Variants in CTNNA2 observed in about 807,000 individuals in gnomAD.
CTNNA2 encodes the protein catenin alpha-2.
Under a neutral mutation model 101.0 loss-of-function variants are expected in CTNNA2, and 42 were observed. The observed-to-expected ratio is 0.42, with a 90% CI of 0.32 to 0.54. The LOEUF (loss-of-function observed/expected upper bound fraction) is 0.54, where lower values mean the gene tolerates loss of function less well. Among genes scored for constraint, CTNNA2 ranks in the 20% least tolerant of loss-of-function variants. The probability of loss-of-function intolerance (pLI) is 0.14; values close to 1 mark genes in which losing one functional copy is unlikely to be tolerated. For missense variants in CTNNA2, 871 were observed against 1,223.1 expected, an observed-to-expected ratio of 0.71 and a Z score of 4.29; for synonymous variants, 450 against 456.4, an observed-to-expected ratio of 0.99 and a Z score of 0.18.
intron 2 of CTNNA2, among the ~76,000 whole-genome samples, chr2:79,279,745 C>T (rs1181714552): frequency 6.6e-6 from 1 of 152,070 alleles, no homozygotes; most frequent in Admixed American, 6.6e-5. Context: ...AGCCACAGCT[C>T]ATATGCAATT....
intron 18 of CTNNA2, among the ~76,000 whole-genome samples, chr2:80,633,165 C>T (rs2149835422): frequency 6.6e-6 from 1 of 152,270 alleles, no homozygotes; most frequent in South Asian, 2.1e-4. Flanking sequence ...TTATCAGCCT[C>T]ACATCATTTC....
At chr2:80,090,415 C>T (rs969902780) in intron 7 of CTNNA2, among the ~76,000 whole-genome samples, 1 of 152,052 alleles carries the variant, frequency 6.6e-6, no homozygotes, top group Non-Finnish European at 1.5e-5. Context: ...GTACAGTGAA[C>T]ACAGGGCTGT....
chr2:80,526,345 G>A (rs7420267), intron 9 of CTNNA2, among the ~76,000 whole-genome samples: 41 of 152,224 alleles, frequency 2.7e-4, no homozygotes, highest in African/African-American at 8.4e-4. Context: ...GATTACAGGC[G>A]TGCATCACCA....
chr2:79,366,841 T>C (rs1253654605), intron 3 of CTNNA2, among the ~76,000 whole-genome samples: 1 of 152,178 alleles, frequency 6.6e-6, no homozygotes, highest in Non-Finnish European at 1.5e-5. Context: ...GTATATCAGA[T>C]ATAATTACTG....
intron 7 of CTNNA2, among the ~76,000 whole-genome samples, chr2:79,951,915 A>T (rs145334929): frequency 2.6e-5 from 4 of 152,152 alleles, no homozygotes; most frequent in African/African-American, 4.8e-5. Flanking sequence ...TGACAATTGC[A>T]TGTGCATTTC....
At chr2:80,161,374 C>T (rs781104047) in intron 7 of CTNNA2, among the ~76,000 whole-genome samples, 23 of 151,904 alleles carry the variant, frequency 1.5e-4, no homozygotes, top group Admixed American at 3.3e-4. Context: ...AGGAACAGTA[C>T]GAACGCTGTG....
intron 3 of CTNNA2, among the ~76,000 whole-genome samples, chr2:79,819,492 A>G (rs939727709): frequency 1.1e-4 from 17 of 152,244 alleles, no homozygotes; most frequent in African/African-American, 4.1e-4. Flanking sequence ...TGCAGAATGA[A>G]TGAATGAATG....
intron 7 of CTNNA2, among the ~76,000 whole-genome samples, chr2:80,390,810 A>T (rs1043273023): frequency 6.6e-6 from 1 of 151,868 alleles, no homozygotes; most frequent in Non-Finnish European, 1.5e-5. Flanking sequence ...TTCAACATGG[A>T]TTTATTTGCG....
chr2:80,348,828 TG>T (rs1380657535), intron 7 of CTNNA2, among the ~76,000 whole-genome samples: 4 of 151,972 alleles, frequency 2.6e-5, no homozygotes, highest in Non-Finnish European at 4.4e-5. Flanking sequence ...TTGAGATGTT[TG>T]TTAGGTGCGC....
chr2:80,581,528 G>A (rs1695541837), intron 13 of CTNNA2, among the ~76,000 whole-genome samples, 178 bp from the exon 14 acceptor site: 1 of 151,998 alleles, frequency 6.6e-6, no homozygotes, highest in South Asian at 2.1e-4. Flanking sequence ...GTAAATTAGG[G>A]CAGCTTGATT....
intron 7 of CTNNA2, among the ~76,000 whole-genome samples, chr2:80,263,555 C>T (rs932067605): frequency 2.0e-5 from 3 of 152,110 alleles, no homozygotes; most frequent in East Asian, 1.9e-4. Context: ...CAGCTGTTGT[C>T]GAACTCCTAA....
At chr2:79,433,644 A>C (rs1242820357) in intron 4 of CTNNA2, among the ~76,000 whole-genome samples, 1 of 151,170 alleles carries the variant, frequency 6.6e-6, no homozygotes, top group East Asian at 1.9e-4. Context: ...AAAAAAAAAA[A>C]AAAACTCTTG....
chr2:79,917,661 T>C (rs1396926932), intron 7 of CTNNA2, among the ~76,000 whole-genome samples: 1 of 152,146 alleles, frequency 6.6e-6, no homozygotes, highest in African/African-American at 2.4e-5. Context: ...TTTCTAAAGG[T>C]GCTCAACTGT....
chr2:79,360,935 G>A (rs181459198), intron 3 of CTNNA2, among the ~76,000 whole-genome samples: 2 of 152,130 alleles, frequency 1.3e-5, no homozygotes, highest in Admixed American at 1.3e-4. Context: ...ATGTATAGAT[G>A]TTTAGCTACC....
chr2:80,484,339 G>A (rs755910720), intron 9 of CTNNA2, among the ~76,000 whole-genome samples: 3 of 152,146 alleles, frequency 2.0e-5, no homozygotes, highest in Non-Finnish European at 4.4e-5. Context: ...GCATGTACCC[G>A]ATACATAGTG....
At chr2:79,487,601 GCAGCTGAGCTCTCAGCATTC>G (rs982888654) in intron 4 of CTNNA2, among the ~76,000 whole-genome samples, 5 of 152,312 alleles carry the variant, frequency 3.3e-5, no homozygotes, top group East Asian at 3.9e-4. Flanking sequence ...GTGGTCAGCT[GCAGCTGAGCTCTCAGCATTC>G]CAGCTGAGCT....
chr2:79,467,420 C>T (rs906088455), intron 4 of CTNNA2, among the ~76,000 whole-genome samples: 4 of 152,220 alleles, frequency 2.6e-5, no homozygotes, highest in Non-Finnish European at 4.4e-5. Flanking sequence ...CTGAAAGTGA[C>T]GGGGAGAATG....
chr2:79,872,357 C>T (rs372391661), intron 5 of CTNNA2, among the ~76,000 whole-genome samples: 1 of 151,898 alleles, frequency 6.6e-6, no homozygotes, highest in East Asian at 1.9e-4. Flanking sequence ...TTTCTCACTT[C>T]TGTATTTAGA....
At chr2:79,432,124 C>G (rs1394123184) in intron 4 of CTNNA2, among the ~76,000 whole-genome samples, 1 of 152,144 alleles carries the variant, frequency 6.6e-6, no homozygotes, top group Admixed American at 6.5e-5. Context: ...ACAAATTAGT[C>G]AGTAGCACAG....
Sources: gnomAD v4.1 joint callset for allele counts (sites outside exome capture counted in the v4.1 genomes callset) on GRCh38, gnomAD v4.1.1 for gene constraint, MANE v1.5 for transcripts, NCBI Gene and HGNC (gene_info 2026-07-23, HGNC 2026-07-21) for gene names.